The following MYO1F variants were observed in gnomAD, a reference collection of about 807,000 sequenced individuals.
The protein encoded by MYO1F is myosin IF, also known as unconventional myosin-If.
A neutral mutation model predicts 146.6 loss-of-function variants in MYO1F; 60 were observed. The observed-to-expected ratio is 0.41, with a 90% CI of 0.33 to 0.51. The LOEUF is 0.51. Among genes scored for constraint, MYO1F ranks in the 20% least tolerant of loss-of-function variants. The pLI, the probability that MYO1F is intolerant of heterozygous loss-of-function variation, is 0.25. For synonymous variants in MYO1F, 602 were observed against 602.1 expected (o/e 1.00, Z 0.00); for missense variants, 1,274 against 1,534.3 (o/e 0.83, Z 2.83).
chr19:8,525,237 G>A, intron 25 of MYO1F: 2 of 498,796 alleles, frequency 4.0e-6, no homozygotes, highest in Admixed American at 3.2e-5. Context: ...TAGTTTACAG[G>A]GCAGGAGTGT....
At chr19:8,535,749 G>A (rs1972678693) in intron 19 of MYO1F, among the ~76,000 whole-genome samples, 1 of 150,792 alleles carries the variant, frequency 6.6e-6, no homozygotes, top group Admixed American at 6.6e-5. Flanking sequence ...GCGTGATCTC[G>A]GCTCACTGCA....
intron 25 of MYO1F, among the ~76,000 whole-genome samples, chr19:8,523,259 T>C (rs959529369): frequency 1.4e-4 from 22 of 152,102 alleles, no homozygotes; most frequent in Admixed American, 9.8e-4. Flanking sequence ...GGTCTCGATC[T>C]CCTGACCTTG....
At chr19:8,541,878 G>T in intron 15 of MYO1F, 28 bp downstream of exon 15, 1 of 1,595,474 alleles carries the variant, frequency 6.3e-7, no homozygotes. Flanking sequence ...GGTTGTAGCC[G>T]GAGGTCCCCA....
intron 13 of MYO1F, 159 bp downstream of exon 13, chr19:8,545,491 G>A (rs566275232): frequency 1.1e-5 from 8 of 725,862 alleles, no homozygotes; most frequent in Admixed American, 1.8e-5. Context: ...GATGAGGGGC[G>A]GAAGGGACAT....
At chr19:8,533,038 C>T (rs543052285) in intron 19 of MYO1F, among the ~76,000 whole-genome samples, 1 of 152,006 alleles carries the variant, frequency 6.6e-6, no homozygotes, top group East Asian at 1.9e-4. Flanking sequence ...AGCCTTGCTC[C>T]CTGCTCTGCT....
chr19:8,544,021 TGGC>T, intron 14 of MYO1F: 1 of 452,648 alleles, frequency 2.2e-6, no homozygotes, highest in Admixed American at 3.7e-5. Context: ...GCGGTGGCGG[TGGC>T]GGTGGCGGTG....
chr19:8,553,894 A>ACACACACACTCTCT lies in MYO1F; in HGVS notation c.327-458_327-457insAGAGAGTGTGTGTG. On this transcript the variant is annotated intron_variant, in intron 4 of 27. Transcript: ENST00000644032. Reference sequence around the variant, plus strand: ...CACACACACACACACACACACACACACTCTCTCTCTCTCTCTCTCTCTCTC... The same window carrying ACACACACACTCTCT: ...CACACACACACACACACACACACACACACACACACTCTCTCTCTCTCTCTCTCTCTCTCTCTCTC... 5.4e-3 allele frequency among the ~76,000 whole-genome samples: 554 copies of ACACACACACTCTCT among 102,638 alleles called. 7 individuals are homozygous for ACACACACACTCTCT. The highest frequency in any genetic ancestry group is 0.02 in the African/African-American group (491 of 23,958). 67.3% of individuals were successfully genotyped at this position (102,638 alleles called of 152,430 possible).
At chr19:8,555,942 G>T in intron 1 of MYO1F, 146 bp from the exon 2 acceptor site, 1 of 821,174 alleles carries the variant, frequency 1.2e-6, no homozygotes, top group Non-Finnish European at 1.9e-6. Context: ...GGCTGGCAGG[G>T]TCCAAGCCAG....
In MYO1F at chr19:8,526,574, G is replaced by A; in HGVS notation, c.2649C>T (p.Gly883=). 1 of 1,598,102 alleles carries A rather than the reference G, an allele frequency of 6.3e-7. No individual in the cohort carries two copies. Among genetic ancestry groups the A allele is most frequent in the Non-Finnish European group, 8.5e-7 (1 of 1,174,488 alleles). The change falls in exon 24 of 28, where the codon GGC becomes GGT. Residue 883 remains glycine, a synonymous_variant. Coordinates refer to ENST00000644032, the MANE Select transcript of MYO1F (RefSeq NM_012335.4). ...CGCTGCGGGTGCCGCCACCGCCCCA[G>A]CCCTCCTTCTTCACCCGAAACTGTA... The part of the protein sequence containing the change: ...DTLQFRVKKE[G]WGGGGTRSVT...
At chr19:8,525,698 G>A (rs1972238653) in intron 24 of MYO1F, 136 bp from the exon 25 acceptor site, 1 of 770,412 alleles carries the variant, frequency 1.3e-6, no homozygotes, top group Non-Finnish European at 2.2e-6. Flanking sequence ...CTTAGGTACA[G>A]TTACACTGGC....
At chr19:8,559,356 T>A (rs1272095248) in intron 1 of MYO1F, among the ~76,000 whole-genome samples, 1 of 77,706 alleles carries the variant, frequency 1.3e-5, no homozygotes. Flanking sequence ...GGGGTGGGGG[T>A]GGAGGTGCAT....
In MYO1F at chr19:8,522,805, G is replaced by A. The variant is rs2288411; in HGVS notation, c.2879C>T (p.Pro960Leu). 649 of 1,587,322 alleles carry A rather than the reference G, an allele frequency of 4.1e-4. 12 individuals carry two copies. In the East Asian group the frequency reaches 0.015, roughly 36 times the overall value. ...GGGCAGGGGGCCCCCTCTGGCAGAG[G>A]GGGGCACCCCATTGCGATCCATGCC... ...PRGMDRNGVP[P>L]SARGGPLPLE... The change falls in exon 26 of 28, where the codon CCC (proline) becomes CTC (leucine). Residue 960 changes from proline to leucine, a missense_variant. Pro to Leu is a moderately conservative substitution (Grantham distance 98). Around this residue, in one of 2 missense-constraint regions of MYO1F, gnomAD observed 374 missense variants for 379.2 expected, o/e 0.99. Coordinates refer to ENST00000644032, the MANE Select transcript of MYO1F (RefSeq NM_012335.4).
intron 1 of MYO1F, among the ~76,000 whole-genome samples, chr19:8,574,591 C>CTT (rs1168090521): frequency 1.2e-5 from 1 of 84,102 alleles, no homozygotes; most frequent in Non-Finnish European, 2.5e-5. Context: ...CTCTCTCTCT[C>CTT]TCTCTCTTTC....
In MYO1F at chr19:8,532,672, G is replaced by A. The variant is rs568561266; in HGVS notation, c.2044-2099C>T. On this transcript the variant is annotated intron_variant, in intron 19 of 27. Coordinates refer to ENST00000644032, the MANE Select transcript of MYO1F (RefSeq NM_012335.4). ...GAGGCTAAGGTGGGAGCATTGTTGA[G>A]CCCAGGAGTTCAAGACCAGCCTGGG... 5.3e-5 allele frequency among the ~76,000 whole-genome samples: 8 copies of A among 152,092 alleles called. No individual in the cohort carries two copies. In the East Asian group the frequency reaches 1.5e-3, roughly 29 times the overall value.
intron 19 of MYO1F, 83 bp downstream of exon 19, chr19:8,536,169 C>G: frequency 1.6e-5 from 10 of 632,670 alleles, no homozygotes; most frequent in Non-Finnish European, 2.1e-5. Flanking sequence ...CTCCCTCTGT[C>G]TCTCTCTCTC....
chr19:8,569,313 T>A (rs1238611911), intron 1 of MYO1F, among the ~76,000 whole-genome samples: 1 of 151,928 alleles, frequency 6.6e-6, no homozygotes, highest in Non-Finnish European at 1.5e-5. Flanking sequence ...CTGGAGCTCT[T>A]GTGAAAGGCA....
chr19:8,552,259 C>G, intron 6 of MYO1F, 95 bp from the exon 7 acceptor site: 4 of 1,337,006 alleles, frequency 3.0e-6, no homozygotes, highest in Non-Finnish European at 4.2e-6. Flanking sequence ...CCTCTCTTCC[C>G]TTCTTCCTTT....
Position 8,552,050 on chromosome 19 carries a change from A to C in MYO1F, c.619T>G (p.Phe207Val). ...CCCTGCACCTGGTAGTAGATGTGGA[A>C]GTTCCTCTCATTTTCATTTTGCATG... is the stretch of plus-strand genomic sequence containing the variant. The part of the protein sequence containing the change: ...VVMQNENERN[F>V]HIYYQLLEGA... Residue 207 changes from phenylalanine to valine, a missense_variant, in exon 7 of 28, where the codon TTC becomes GTC. By Grantham distance (50) the Phe-to-Val change is conservative. This residue lies in a region of MYO1F where 900 missense variants were observed against 1,155.1 expected (regional missense o/e 0.78). Coordinates refer to ENST00000644032, the MANE Select transcript of MYO1F (RefSeq NM_012335.4). 3 of 1,613,892 alleles carry C rather than the reference A, an allele frequency of 1.9e-6. No homozygotes were observed. The highest frequency in any genetic ancestry group is 2.5e-6 in the Non-Finnish European group (3 of 1,179,966).
intron 21 of MYO1F, chr19:8,529,875 G>A: frequency 3.9e-6 from 2 of 517,172 alleles, no homozygotes; most frequent in Middle Eastern, 5.5e-4. Flanking sequence ...TAGGCTGGGG[G>A]ATAGATACCT....
Sources: allele counts gnomAD v4.1 joint callset (sites outside exome capture counted in the v4.1 genomes callset), GRCh38; gene constraint gnomAD v4.1.1; regional missense constraint gnomAD v4.1.1; transcripts MANE v1.5; gene names NCBI Gene and HGNC (gene_info 2026-07-23, HGNC 2026-07-21).